The following SCAMP1 variants were observed in gnomAD, a reference collection of about 807,000 sequenced individuals.
SCAMP1 encodes secretory carrier-associated membrane protein 1.
In SCAMP1, 15 loss-of-function variants were observed where a neutral mutation model predicts 41.8. That is an observed-to-expected ratio of 0.36 (90% CI 0.24 to 0.55). The LOEUF is 0.55. Ranked by LOEUF, SCAMP1 falls within the 20% of genes least tolerant of loss-of-function variation. The probability of loss-of-function intolerance (pLI) is 0.86; values close to 1 mark genes in which losing one functional copy is unlikely to be tolerated. For synonymous variants in SCAMP1, 135 were observed against 136.8 expected (o/e 0.99, Z 0.09); for missense variants, 341 against 412.6 (o/e 0.83, Z 1.50).
At chr5:78,431,436 T>G (rs1363962184) in intron 6 of SCAMP1, among the ~76,000 whole-genome samples, 1 of 151,688 alleles carries the variant, frequency 6.6e-6, no homozygotes, top group Non-Finnish European at 1.5e-5. Flanking sequence ...CATTTATATT[T>G]AATATAATTA....
intron 8 of SCAMP1, among the ~76,000 whole-genome samples, chr5:78,463,816 T>C (rs1162183408): frequency 6.6e-6 from 1 of 152,188 alleles, no homozygotes; most frequent in Non-Finnish European, 1.5e-5. Flanking sequence ...AATCATTGAA[T>C]TGTACACTTT....
chr5:78,434,144 C>A (rs1752688172), intron 6 of SCAMP1, among the ~76,000 whole-genome samples: 1 of 152,170 alleles, frequency 6.6e-6, no homozygotes, highest in Non-Finnish European at 1.5e-5. Flanking sequence ...CTGGTGAGAT[C>A]TGTGGAGAAG....
chr5:78,451,167 G>A (rs760083818), intron 7 of SCAMP1, among the ~76,000 whole-genome samples: 8 of 152,112 alleles, frequency 5.3e-5, no homozygotes, highest in South Asian at 2.1e-4. Flanking sequence ...ACTAAATAGC[G>A]TAAAAAGAGT....
chr5:78,469,288 C>T (rs1004595969), intron 8 of SCAMP1, among the ~76,000 whole-genome samples: 1 of 152,052 alleles, frequency 6.6e-6, no homozygotes, highest in African/African-American at 2.4e-5. Flanking sequence ...TCAGCACTGT[C>T]GTCTTTGCTG....
At chr5:78,464,564 C>T (rs935386622) in intron 8 of SCAMP1, among the ~76,000 whole-genome samples, 1 of 151,878 alleles carries the variant, frequency 6.6e-6, no homozygotes, top group African/African-American at 2.4e-5. Flanking sequence ...TATATAATTC[C>T]TATATTAACC....
chr5:78,430,003 G>A (rs1752562782), intron 6 of SCAMP1, among the ~76,000 whole-genome samples: 1 of 150,852 alleles, frequency 6.6e-6, no homozygotes, highest in Non-Finnish European at 1.5e-5. Context: ...GGTTAGACTA[G>A]TATTTGGAGT....
intron 8 of SCAMP1, among the ~76,000 whole-genome samples, chr5:78,462,203 G>GTGTT: frequency 7.2e-6 from 1 of 139,154 alleles, no homozygotes; most frequent in East Asian, 2.0e-4. Flanking sequence ...AGGAGTGTGT[G>GTGTT]TGTGTGTGTG....
At chr5:78,400,203 T>C (rs1298804959) in intron 2 of SCAMP1, among the ~76,000 whole-genome samples, 1 of 152,234 alleles carries the variant, frequency 6.6e-6, no homozygotes, top group Admixed American at 6.5e-5. Flanking sequence ...ATTTTTGGGC[T>C]CTCCATTCTG....
chr5:78,422,843 G>C (rs985707500), intron 6 of SCAMP1, among the ~76,000 whole-genome samples: 57 of 152,072 alleles, frequency 3.7e-4, no homozygotes, highest in Non-Finnish European at 8.1e-4. Flanking sequence ...AAATTCTTGT[G>C]AATAACCATT....
chr5:78,471,133 A>G (rs1753874269), intron 8 of SCAMP1, among the ~76,000 whole-genome samples: 1 of 152,182 alleles, frequency 6.6e-6, no homozygotes, highest in Non-Finnish European at 1.5e-5. Flanking sequence ...AGCATGTAGG[A>G]TATAATACAA....
intron 5 of SCAMP1, among the ~76,000 whole-genome samples, chr5:78,420,716 CAAAA>C (rs1156260313): frequency 6.6e-6 from 1 of 151,470 alleles, no homozygotes; most frequent in Non-Finnish European, 1.5e-5. Flanking sequence ...TAAAAAAAAA[CAAAA>C]AACAAAACTC....
At chr5:78,466,959 T>C (rs1753764404) in intron 8 of SCAMP1, among the ~76,000 whole-genome samples, 1 of 152,052 alleles carries the variant, frequency 6.6e-6, no homozygotes, top group Admixed American at 6.6e-5. Context: ...AAGATAAGAC[T>C]CAAGGATGAC....
intron 7 of SCAMP1, among the ~76,000 whole-genome samples, chr5:78,454,242 G>A (rs1753322615): frequency 6.6e-6 from 1 of 152,092 alleles, no homozygotes; most frequent in Non-Finnish European, 1.5e-5. Flanking sequence ...GGTGAGAGAG[G>A]GCATCCCTGT....
At chr5:78,377,250 GTAA>G (rs1400834441) in intron 1 of SCAMP1, among the ~76,000 whole-genome samples, 1 of 152,154 alleles carries the variant, frequency 6.6e-6, no homozygotes, top group African/African-American at 2.4e-5. Context: ...GGCAACTCTA[GTAA>G]TTGCTGTTCC....
chr5:78,432,510 G>A (rs1476141708), intron 6 of SCAMP1, among the ~76,000 whole-genome samples: 10 of 151,872 alleles, frequency 6.6e-5, no homozygotes, highest in Non-Finnish European at 1.3e-4. Flanking sequence ...ACTTTCTTTC[G>A]TACTTTAAAC....
chr5:78,442,237 G>C (rs1444669997), intron 6 of SCAMP1, among the ~76,000 whole-genome samples: 2 of 152,156 alleles, frequency 1.3e-5, no homozygotes, highest in African/African-American at 4.8e-5. Flanking sequence ...TAGGTATCAT[G>C]GAGGCTTATT....
At chr5:78,387,202 T>A (rs556758145) in intron 1 of SCAMP1, among the ~76,000 whole-genome samples, 12 of 152,212 alleles carry the variant, frequency 7.9e-5, no homozygotes, top group African/African-American at 2.6e-4. Flanking sequence ...GAAAGCCTTG[T>A]GTTTGAGCTC....
intron 8 of SCAMP1, among the ~76,000 whole-genome samples, chr5:78,461,292 G>C (rs1488394537): frequency 1.3e-5 from 2 of 152,150 alleles, no homozygotes; most frequent in African/African-American, 2.4e-5. Context: ...TTTCTTCTAG[G>C]ATTTTTGTAG....
At position 78,426,167 on chromosome 5, in the gene SCAMP1, T is replaced by C. The variant is rs1344313727; in HGVS notation, c.632+4207T>C. ...TACATAGTATTCCATGGTGTATATG[T>C]GCCACATTTTCTTTATCCAATCTAT... On this transcript the variant is annotated intron_variant, in intron 6 of 8. Coordinates refer to ENST00000621999, the MANE Select transcript of SCAMP1 (RefSeq NM_004866.6). 2.0e-5 allele frequency among the ~76,000 whole-genome samples: 3 copies of C among 152,232 alleles called. No individual in the cohort carries two copies. In the East Asian group the frequency reaches 5.8e-4, roughly 29 times the overall value.
Sources: gnomAD v4.1 joint callset for allele counts (sites outside exome capture counted in the v4.1 genomes callset) on GRCh38, gnomAD v4.1.1 for gene constraint, MANE v1.5 for transcripts, NCBI Gene and HGNC (gene_info 2026-07-23, HGNC 2026-07-21) for gene names.